Variants in CDH1 observed in about 807,000 individuals in gnomAD.
CDH1 encodes cadherin-1.
In CDH1, 35 loss-of-function variants were observed where a neutral mutation model predicts 84.5. That is an observed-to-expected ratio of 0.41 (90% CI 0.32 to 0.55). The LOEUF (loss-of-function observed/expected upper bound fraction) is 0.55. CDH1 is among the 20% of genes least tolerant of loss of function. CDH1 has a pLI of 0.19. For missense variants in CDH1, 994 were observed against 1,126.6 expected, an observed-to-expected ratio of 0.88 and a Z score of 1.68; for synonymous variants, 417 against 439.0, an observed-to-expected ratio of 0.95 and a Z score of 0.63.
In CDH1 at chr16:68,769,794, C is replaced by T. The variant is rs769411829; in HGVS notation, c.163+31383C>T. 6.6e-5 allele frequency among the ~76,000 whole-genome samples: 10 copies of T among 151,930 alleles called. No homozygotes were observed. In the East Asian group the frequency reaches 7.9e-4, roughly 12 times the overall value. On this transcript the variant is annotated intron_variant, in intron 2 of 15. Coordinates refer to ENST00000261769, the MANE Select transcript of CDH1 (RefSeq NM_004360.5). ...GATAAAAACATTAGCTGGGGCCTGG[C>T]GCGGTGGCTCACGCTGGGGACTACA...
intron 2 of CDH1, among the ~76,000 whole-genome samples, chr16:68,771,871 G>A (rs772820416): frequency 2.8e-4 from 42 of 152,032 alleles, no homozygotes; most frequent in Admixed American, 5.2e-4. Flanking sequence ...GCGAGCCACC[G>A]TGCCTAGCCC....
Position 68,737,423 on chromosome 16 carries a change from C to G in CDH1, c.8C>G (p.Pro3Arg), listed in dbSNP as rs587782484. 1.2e-4 allele frequency: 187 copies of G among 1,534,038 alleles called. No homozygotes were observed. Among genetic ancestry groups the G allele is most frequent in the Non-Finnish European group, 1.2e-4 (138 of 1,146,758 alleles). The change falls in exon 1 of 16, where the codon CCT becomes CGT. Residue 3 changes from proline to arginine, a missense_variant. By Grantham distance (103) the Pro-to-Arg change is moderately radical. Transcript: ENST00000261769. MG[P>R]WSRSLSALLL... ...CGGCGTCCCCGGCCAGCCATGGGCC[C>G]TTGGAGCCGCAGCCTCTCGGCGCTG... is the stretch of plus-strand genomic sequence containing the variant.
rs112266238 is a variant in CDH1, at chr16:68,817,668, C to T, written c.1566-1612C>T. Among the ~76,000 whole-genome samples, 420 of 152,178 alleles carry T rather than the reference C, an allele frequency of 2.8e-3. 5 individuals are homozygous for T. The highest frequency in any genetic ancestry group is 9.7e-3 in the African/African-American group (401 of 41,512). ...ACCTCTGTCCTGTTCTTGCCCCCAC[C>T]GACCCCTGAAATGGATTACCTGAAT... is the stretch of plus-strand genomic sequence containing the variant. On this transcript the variant is annotated intron_variant, in intron 10 of 15. Transcript: ENST00000261769.
At chr16:68,818,707 G>A (rs1402686692) in intron 10 of CDH1, among the ~76,000 whole-genome samples, 10 of 151,184 alleles carry the variant, frequency 6.6e-5, no homozygotes, top group East Asian at 2.0e-4. Flanking sequence ...AAAATTAGCC[G>A]GGCGTGATGG....
intron 10 of CDH1, 78 bp from the exon 11 acceptor site, chr16:68,819,200 CTG>C: frequency 6.6e-7 from 1 of 1,522,306 alleles, no homozygotes; most frequent in East Asian, 2.3e-5. Flanking sequence ...AACCATATAA[CTG>C]AAGAAGCGCT....
At chr16:68,772,003 C>A (rs922847322) in intron 2 of CDH1, among the ~76,000 whole-genome samples, 2 of 152,118 alleles carry the variant, frequency 1.3e-5, no homozygotes, top group Non-Finnish European at 2.9e-5. Context: ...ATGAGGAAAT[C>A]GAGGCAGGCA....
chr16:68,738,792 G>A (rs1962475697), intron 2 of CDH1, among the ~76,000 whole-genome samples: 1 of 152,038 alleles, frequency 6.6e-6, no homozygotes, highest in Admixed American at 6.6e-5. Context: ...CTAAGAGAGT[G>A]ACGTCCACTT....
At chr16:68,781,543 T>G (rs1959878588) in intron 2 of CDH1, among the ~76,000 whole-genome samples, 1 of 152,156 alleles carries the variant, frequency 6.6e-6, no homozygotes, top group Admixed American at 6.6e-5. Context: ...CTTGCCATGT[T>G]GCCCAGGTTG....
rs1360371971 is a variant in CDH1, at chr16:68,833,287, T to C, written c.2440-3T>C. ...AAAGATGCTTTTGTCCCTTCTTCTT[T>C]AGAATCTGAAAGCGGCTGATACTGA... is the stretch of plus-strand genomic sequence containing the variant. On this transcript the variant is annotated splice_region_variant and splice_polypyrimidine_tract_variant and intron_variant, in intron 15 of 15. Transcript: ENST00000261769. 3 of 1,613,742 alleles carry C rather than the reference T, an allele frequency of 1.9e-6. No homozygotes were observed.
intron 2 of CDH1, among the ~76,000 whole-genome samples, chr16:68,754,189 G>C (rs1417891893): frequency 4.0e-5 from 6 of 151,632 alleles, no homozygotes; most frequent in Non-Finnish European, 7.4e-5. Context: ...TTGGAATGTT[G>C]AGGTGGGAGG....
At chr16:68,778,842 T>C (rs1390532970) in intron 2 of CDH1, among the ~76,000 whole-genome samples, 1 of 152,082 alleles carries the variant, frequency 6.6e-6, no homozygotes, top group Non-Finnish European at 1.5e-5. Flanking sequence ...CCTGATTTAG[T>C]TAATAAGCAG....
intron 5 of CDH1, among the ~76,000 whole-genome samples, chr16:68,809,218 C>T (rs1236163682): frequency 7.1e-6 from 1 of 141,628 alleles, no homozygotes; most frequent in Non-Finnish European, 1.5e-5. Context: ...TTAGGAAAAC[C>T]AAGAGGTCTT....
At chr16:68,769,236 T>C (rs573063876) in intron 2 of CDH1, among the ~76,000 whole-genome samples, 3 of 152,300 alleles carry the variant, frequency 2.0e-5, no homozygotes, top group Admixed American at 1.3e-4. Flanking sequence ...GCTATTTCTG[T>C]ATTCATTACA....
At position 68,815,760 on chromosome 16, in the gene CDH1, G is replaced by GT. The variant is rs1555516200; in HGVS notation, c.1565+2dup. ...ACACATTTATGGAACAGAAAATAAC[G>GT]TAAGTGTGAGGATTTTTCAACTGAC... On this transcript the variant is annotated splice_donor_variant, in intron 10 of 15. Coordinates refer to ENST00000261769, the MANE Select transcript of CDH1 (RefSeq NM_004360.5). LOFTEE classifies it high-confidence loss of function. The GT allele has an allele frequency of 6.2e-7, 1 of 1,614,188 alleles. No homozygotes were observed. Among genetic ancestry groups the GT allele is most frequent in the Non-Finnish European group, 8.5e-7 (1 of 1,180,030 alleles).
At chr16:68,798,657 T>C (rs1960423116) in intron 2 of CDH1, among the ~76,000 whole-genome samples, 1 of 152,204 alleles carries the variant, frequency 6.6e-6, no homozygotes, top group Admixed American at 6.5e-5. Context: ...CAATCATGCT[T>C]GTCTCAACTT....
At chr16:68,742,456 T>G in intron 2 of CDH1, 1 of 157,208 alleles carries the variant, frequency 6.4e-6, no homozygotes, top group East Asian at 1.8e-4. Context: ...ATTTTTGTAT[T>G]TTTAGTAGAG....
chr16:68,782,404 A>G (rs1229787263), intron 2 of CDH1, among the ~76,000 whole-genome samples: 2 of 152,224 alleles, frequency 1.3e-5, no homozygotes, highest in Non-Finnish European at 2.9e-5. Flanking sequence ...GCAGCTTACC[A>G]CATACAAACT....
Position 68,822,079 on chromosome 16 carries a change from C to G in CDH1, c.1790C>G (p.Pro597Arg), listed in dbSNP as rs1961161092. ...AATGACAACGCCCCCATACCAGAAC[C>G]TCGAACTATATTCTTCTGTGAGAGG... ...DVNDNAPIPE[P>R]RTIFFCERNP... The change falls in exon 12 of 16, where the codon CCT becomes CGT. Residue 597 changes from proline to arginine, a missense_variant. This residue lies in a region of CDH1 where 769 missense variants were observed against 881.8 expected (regional missense o/e 0.87). Coordinates refer to ENST00000261769, the MANE Select transcript of CDH1 (RefSeq NM_004360.5). 1 of 1,614,028 alleles carries G rather than the reference C, an allele frequency of 6.2e-7. No individual in the cohort carries two copies. Among genetic ancestry groups the G allele is most frequent in the Non-Finnish European group, 8.5e-7 (1 of 1,180,040 alleles).
chr16:68,741,880 AGGCT>A (rs1243057426), intron 2 of CDH1, among the ~76,000 whole-genome samples: 1 of 152,164 alleles, frequency 6.6e-6, no homozygotes, highest in Non-Finnish European at 1.5e-5. Flanking sequence ...CATATTGGTC[AGGCT>A]GGTCTCAAAC....
Sources: allele counts gnomAD v4.1 joint callset (sites outside exome capture counted in the v4.1 genomes callset), GRCh38; gene constraint gnomAD v4.1.1; regional missense constraint gnomAD v4.1.1; transcripts MANE v1.5; gene names NCBI Gene and HGNC (gene_info 2026-07-23, HGNC 2026-07-21).